The following CADPS variants were observed in gnomAD, a reference collection of about 807,000 sequenced individuals.
CADPS encodes calcium dependent secretion activator.
Under a neutral mutation model 167.3 loss-of-function variants are expected in CADPS, and 57 were observed. The observed-to-expected ratio is 0.34, with a 90% CI of 0.28 to 0.42. The LOEUF (loss-of-function observed/expected upper bound fraction) is 0.42. Ranked by LOEUF, CADPS falls within the 20% of genes least tolerant of loss-of-function variation. The pLI, the probability that CADPS is intolerant of heterozygous loss-of-function variation, is 1.00. For missense variants in CADPS, 1,414 were observed against 1,738.1 expected, an observed-to-expected ratio of 0.81 and a Z score of 3.32; for synonymous variants, 676 against 635.3, an observed-to-expected ratio of 1.06 and a Z score of -0.96.
chr3:62,584,982 C>T (rs940444715), intron 8 of CADPS, among the ~76,000 whole-genome samples: 1 of 152,186 alleles, frequency 6.6e-6, no homozygotes, highest in South Asian at 2.1e-4. Flanking sequence ...GGACATTTTT[C>T]TATTTTGACA....
intron 1 of CADPS, chr3:62,779,193 C>G (rs754587113): frequency 9.9e-4 from 255 of 256,990 alleles, no homozygotes; most frequent in Non-Finnish European, 1.6e-3. Context: ...TGCTAGATGC[C>G]TTTGGAGCTG....
At chr3:62,871,807 T>C (rs1253459033) in intron 1 of CADPS, among the ~76,000 whole-genome samples, 1 of 152,202 alleles carries the variant, frequency 6.6e-6, no homozygotes, top group Non-Finnish European at 1.5e-5. Flanking sequence ...TGTCCCATAC[T>C]ACTGTAAGAT....
At chr3:62,618,015 G>A (rs371306587) in intron 6 of CADPS, among the ~76,000 whole-genome samples, 40 of 152,196 alleles carry the variant, frequency 2.6e-4, no homozygotes, top group East Asian at 2.1e-3. Context: ...ACAGGTGGTC[G>A]TTCTTGACAC....
In CADPS at chr3:62,455,037, T is replaced by TCATTAA. The variant is rs373275558; in HGVS notation, c.3637-9246_3637-9241dup. 2.2e-4 allele frequency among the ~76,000 whole-genome samples: 33 copies of TCATTAA among 152,144 alleles called. No homozygotes were observed. Among genetic ancestry groups the TCATTAA allele is most frequent in the African/African-American group, 7.7e-4 (32 of 41,520 alleles). On this transcript the variant is annotated intron_variant, in intron 26 of 29. Coordinates refer to ENST00000383710, the MANE Select transcript of CADPS (RefSeq NM_003716.4). The surrounding 1 kb of genome is among the most constrained non-coding windows in gnomAD (Gnocchi z 4.4). ...CATGCTCTGATTAGGAGCCGCAGCC[T>TCATTAA]CATTAACGATGAGAATTGTTCTCAT... is the stretch of plus-strand genomic sequence containing the variant.
At position 62,874,991 on chromosome 3, in the gene CADPS, C is replaced by T. The variant is rs2083414063; in HGVS notation, c.39G>A (p.Glu13=). The T allele has an allele frequency of 1.3e-6, 2 of 1,596,736 alleles. No homozygotes were observed. Among genetic ancestry groups the T allele is most frequent in the Non-Finnish European group, 8.5e-7 (1 of 1,171,994 alleles). The change falls in exon 1 of 30, where the codon GAG becomes GAA. Residue 13 remains glutamate, a synonymous_variant. Coordinates refer to ENST00000383710, the MANE Select transcript of CADPS (RefSeq NM_003716.4). The surrounding 1 kb of genome is among the most constrained non-coding windows in gnomAD (Gnocchi z 7.1). The stretch of plus-strand genomic sequence containing the variant: ...CCTTGCCGCTCTCCTCCTCCACGAT[C>T]TCATCCGATTCTTCTTCGCTGGACG... ...DPSSSEEESD[E]IVEEESGKEV...
intron 26 of CADPS, among the ~76,000 whole-genome samples, chr3:62,450,005 G>A (rs2057803629): frequency 6.6e-6 from 1 of 152,144 alleles, no homozygotes; most frequent in African/African-American, 2.4e-5. Flanking sequence ...TCAACTAAAT[G>A]TAGCTGTGCT....
intron 28 of CADPS, among the ~76,000 whole-genome samples, chr3:62,406,845 A>G (rs554334388): frequency 5.9e-5 from 9 of 152,300 alleles, no homozygotes; most frequent in African/African-American, 2.2e-4. Flanking sequence ...TGAAGGCTCT[A>G]TTTAAAAGAA....
At chr3:62,750,353 CA>C (rs56069272) in intron 3 of CADPS, among the ~76,000 whole-genome samples, 1,703 of 44,680 alleles carry the variant, frequency 0.038, 4 homozygotes, top group South Asian at 0.12. Flanking sequence ...TCTTAAGCTC[CA>C]AAAAAAAAAA....
intron 3 of CADPS, among the ~76,000 whole-genome samples, chr3:62,718,735 C>T (rs2075164243): frequency 6.6e-6 from 1 of 152,200 alleles, no homozygotes; most frequent in South Asian, 2.1e-4. Flanking sequence ...CCCACATTCC[C>T]AGGAGGGAAC....
chr3:62,418,647 T>C (rs1278923272), intron 28 of CADPS, among the ~76,000 whole-genome samples: 4 of 151,888 alleles, frequency 2.6e-5, no homozygotes, highest in Non-Finnish European at 4.4e-5. Flanking sequence ...GGCTGATAAA[T>C]AATGTTTTCT....
At chr3:62,843,395 T>A (rs535260841) in intron 1 of CADPS, among the ~76,000 whole-genome samples, 1 of 152,214 alleles carries the variant, frequency 6.6e-6, no homozygotes, top group Non-Finnish European at 1.5e-5. Context: ...GAGATTTCTA[T>A]GTTAAAGACA....
At position 62,446,847 on chromosome 3, in the gene CADPS, G is replaced by C. The variant is rs1045256173; in HGVS notation, c.3637-1050C>G. ...AGGAGCTACATTTGGGGTCAGAGAG[G>C]GTTTCCTGTTTTTACTGGGAACTAC... On this transcript the variant is annotated intron_variant, in intron 26 of 29. Coordinates refer to ENST00000383710, the MANE Select transcript of CADPS (RefSeq NM_003716.4). This position sits in a 1 kb window ranked among gnomAD's most constrained non-coding sequence, Gnocchi z 4.9. Among the ~76,000 whole-genome samples, 8 of 152,234 alleles carry C rather than the reference G, an allele frequency of 5.3e-5. No individual in the cohort carries two copies. The highest frequency in any genetic ancestry group is 1.9e-4 in the East Asian group (1 of 5,184).
At chr3:62,599,610 AT>A (rs1409946889) in intron 6 of CADPS, among the ~76,000 whole-genome samples, 2 of 68,440 alleles carry the variant, frequency 2.9e-5, no homozygotes, top group African/African-American at 5.7e-5. Flanking sequence ...TATTTATTAT[AT>A]TATATATAAT....
intron 3 of CADPS, among the ~76,000 whole-genome samples, chr3:62,687,355 C>A (rs2078238897): frequency 6.6e-6 from 1 of 152,080 alleles, no homozygotes; most frequent in African/African-American, 2.4e-5. Flanking sequence ...TGAAACAGTC[C>A]CAAATGGGGC....
intron 13 of CADPS, among the ~76,000 whole-genome samples, chr3:62,525,493 T>A (rs1414287363): frequency 6.6e-6 from 1 of 152,184 alleles, no homozygotes; most frequent in Non-Finnish European, 1.5e-5. Context: ...AGTGCAATAA[T>A]CTTTGTGTTC....
intron 1 of CADPS, among the ~76,000 whole-genome samples, chr3:62,775,659 A>C (rs1224988512): frequency 2.0e-5 from 3 of 152,076 alleles, no homozygotes; most frequent in African/African-American, 7.2e-5. Flanking sequence ...TTGTCTGTTG[A>C]TTGTTTTTCC....
chr3:62,684,339 G>A (rs974527329), intron 3 of CADPS, among the ~76,000 whole-genome samples: 1 of 151,934 alleles, frequency 6.6e-6, no homozygotes, highest in African/African-American at 2.4e-5. Flanking sequence ...CCATCATTTG[G>A]GGGGATTTTT....
At position 62,449,043 on chromosome 3, in the gene CADPS, A is replaced by G. The variant is rs184878744; in HGVS notation, c.3637-3246T>C. ...AGATGGGCTAATTGCAAAGAAAACCATAATATTCATGTAGTTAATTAAGGA... is the reference window on the plus strand; with the variant it reads ...AGATGGGCTAATTGCAAAGAAAACCGTAATATTCATGTAGTTAATTAAGGA... On this transcript the variant is annotated intron_variant, in intron 26 of 29. Transcript: ENST00000383710. Among the ~76,000 whole-genome samples the G allele has an allele frequency of 2.0e-3, 301 of 152,372 alleles. 2 individuals carry two copies. The highest frequency in any genetic ancestry group is 6.9e-3 in the African/African-American group (287 of 41,590).
chr3:62,435,291 TA>T (rs1364609413), intron 28 of CADPS, among the ~76,000 whole-genome samples: 1 of 152,212 alleles, frequency 6.6e-6, no homozygotes, highest in Non-Finnish European at 1.5e-5. Context: ...TTGATATTCC[TA>T]TTCCCTTGTT....
Sources: gnomAD v4.1 joint callset for allele counts (sites outside exome capture counted in the v4.1 genomes callset) on GRCh38, gnomAD v4.1.1 for gene constraint, Gnocchi (gnomAD v3.1) non-coding constraint, MANE v1.5 for transcripts, NCBI Gene and HGNC (gene_info 2026-07-23, HGNC 2026-07-21) for gene names.